Variants in CNOT1 observed in about 807,000 individuals in gnomAD.
The protein encoded by CNOT1 is CCR4-associated factor 1.
CNOT1 carries 15 observed loss-of-function variants against 273.8 expected under a neutral mutation model. The observed-to-expected ratio is 0.05, with a 90% CI of 0.04 to 0.08. CNOT1 has a LOEUF of 0.08. Among genes scored for constraint, CNOT1 ranks in the 10% least tolerant of loss-of-function variants. The pLI is 1.00. For missense variants in CNOT1, 1,644 were observed against 2,912.2 expected, an observed-to-expected ratio of 0.56 and a Z score of 10.02; for synonymous variants, 1,022 against 1,005.5, an observed-to-expected ratio of 1.02 and a Z score of -0.31.
At chr16:58,609,072 T>C (rs953333032) in intron 1 of CNOT1, among the ~76,000 whole-genome samples, 2 of 152,144 alleles carry the variant, frequency 1.3e-5, no homozygotes, top group African/African-American at 2.4e-5. Context: ...TTCTCACAGA[T>C]CACCACTAAA....
chr16:58,521,160 A>G (rs1245560137), intron 48 of CNOT1, 23 bp downstream of exon 48: 2 of 1,613,020 alleles, frequency 1.2e-6, no homozygotes, highest in Non-Finnish European at 8.5e-7. Context: ...TTCCTAGACA[A>G]TTAAAAATTA....
intron 38 of CNOT1, among the ~76,000 whole-genome samples, chr16:58,537,587 G>A (rs1409157170): frequency 6.6e-6 from 1 of 152,112 alleles, no homozygotes; most frequent in Non-Finnish European, 1.5e-5. Context: ...ATAAAGAATA[G>A]GTTTAAGGAG....
chr16:58,552,184 A>G (rs1270681063), intron 22 of CNOT1, among the ~76,000 whole-genome samples: 2 of 152,162 alleles, frequency 1.3e-5, no homozygotes, highest in Admixed American at 6.5e-5. Flanking sequence ...CTTAAAAAAC[A>G]AAACAAAAAC....
intron 31 of CNOT1, chr16:58,543,055 T>C (rs966618673): frequency 8.6e-6 from 10 of 1,163,602 alleles, no homozygotes; most frequent in Non-Finnish European, 1.1e-5. Context: ...ACTGCACCAC[T>C]GTACTCTAGC....
At chr16:58,598,927 T>G (rs2042365307) in intron 2 of CNOT1, 1 of 275,966 alleles carries the variant, frequency 3.6e-6, no homozygotes, top group Non-Finnish European at 7.2e-6. Flanking sequence ...GGCACATGCC[T>G]GTAATCCCAG....
rs771813910 is a variant in CNOT1 at position 58,539,936 on chromosome 16, T to C, written c.4824A>G (p.Val1608=). The C allele has an allele frequency of 6.2e-6, 10 of 1,608,280 alleles. No individual in the cohort carries two copies. Among genetic ancestry groups the C allele is most frequent in the Non-Finnish European group, 8.5e-6 (10 of 1,177,272 alleles). ...PMKQAWATDD[V]AQIYDKCITE... is the part of the protein sequence containing the mutation. Reference sequence around the variant, plus strand: ...TAATACACTTATCATAAATCTGAGCTACATCATCTGTTGCCCAAGCTTGCT... The same window carrying C: ...TAATACACTTATCATAAATCTGAGCCACATCATCTGTTGCCCAAGCTTGCT... The change falls in exon 35 of 49, where the codon GTA becomes GTG. Residue 1608 remains valine, a synonymous_variant. Coordinates refer to ENST00000317147, the MANE Select transcript of CNOT1 (RefSeq NM_016284.5).
At chr16:58,552,748 T>C (rs1013049935) in intron 22 of CNOT1, among the ~76,000 whole-genome samples, 1 of 152,198 alleles carries the variant, frequency 6.6e-6, no homozygotes, top group Non-Finnish European at 1.5e-5. Flanking sequence ...TAAGATCTTA[T>C]AAAGTTGCCT....
intron 31 of CNOT1, chr16:58,543,281 C>T: frequency 6.5e-7 from 1 of 1,546,158 alleles, no homozygotes; most frequent in Non-Finnish European, 8.7e-7. Flanking sequence ...TCTCAAACAG[C>T]TTTCATCCTT....
intron 13 of CNOT1, among the ~76,000 whole-genome samples, chr16:58,577,766 G>C (rs1306418199): frequency 6.6e-6 from 1 of 151,828 alleles, no homozygotes; most frequent in Non-Finnish European, 1.5e-5. Flanking sequence ...ACTGAGCCTG[G>C]GAGGTTGAGG....
In CNOT1 at chr16:58,588,144, CA is replaced by C. The variant is rs374366310; in HGVS notation, c.211-267del. 4.6e-4 allele frequency among the ~76,000 whole-genome samples: 70 copies of C among 152,084 alleles called. 1 individual carries two copies. The East Asian group carries it at 0.012, about 26-fold the overall frequency. The stretch of plus-strand genomic sequence containing the variant: ...TAAAACCCTCTCTCTACTAAAAATA[CA>C]AAAATTAGCCAGGCCTGGTGCCAGA... On this transcript the variant is annotated intron_variant, in intron 3 of 48. Transcript: ENST00000317147.
intron 8 of CNOT1, among the ~76,000 whole-genome samples, chr16:58,583,521 T>C (rs563248116): frequency 6.6e-6 from 1 of 152,190 alleles, no homozygotes; most frequent in Non-Finnish European, 1.5e-5. Flanking sequence ...TGGACTGTTA[T>C]CAGTCTGTGG....
chr16:58,557,994 C>T (rs939435310), intron 18 of CNOT1, among the ~76,000 whole-genome samples: 1 of 149,672 alleles, frequency 6.7e-6, no homozygotes, highest in African/African-American at 2.4e-5. Context: ...CTGTCCCCCA[C>T]TACCCAAAAA....
At chr16:58,546,576 A>C (rs1185310772) in intron 28 of CNOT1, 78 bp from the exon 29 acceptor site, 30 of 1,604,646 alleles carry the variant, frequency 1.9e-5, no homozygotes, top group Non-Finnish European at 2.4e-5. Context: ...ACTTTCAGTT[A>C]TTATAGTACT....
At chr16:58,597,514 C>A in intron 2 of CNOT1, 1 of 218,904 alleles carries the variant, frequency 4.6e-6, no homozygotes. Context: ...ACTGAATAAA[C>A]ACTGCACCAC....
intron 44 of CNOT1, among the ~76,000 whole-genome samples, chr16:58,527,421 G>T (rs1256311712): frequency 6.6e-6 from 1 of 151,966 alleles, no homozygotes; most frequent in African/African-American, 2.4e-5. Context: ...CAGCTACTTG[G>T]GAGGCTGAGG....
intron 21 of CNOT1, 76 bp from the exon 22 acceptor site, chr16:58,553,936 C>A: frequency 6.8e-7 from 1 of 1,471,868 alleles, no homozygotes; most frequent in South Asian, 1.5e-5. Flanking sequence ...TGTCCAAATG[C>A]TAATCTAGGT....
chr16:58,558,660 A>T lies in CNOT1; in HGVS notation c.2145T>A (p.Ala715=), dbSNP rs766539622. 2 of 1,613,938 alleles carry T rather than the reference A, an allele frequency of 1.2e-6. No individual in the cohort carries two copies. The highest frequency in any genetic ancestry group is 2.2e-5 in the South Asian group (2 of 91,040). ...AISPVQIDPL[A]GMTSLSIGGS... is the part of the protein sequence containing the mutation. ...CACCTATACTAAGAGATGTCATTCCAGCAAGAGGGTCAATCTAAAGAAAAA... is the reference window on the plus strand; with the variant it reads ...CACCTATACTAAGAGATGTCATTCCTGCAAGAGGGTCAATCTAAAGAAAAA... Residue 715 remains alanine, a synonymous_variant, in exon 18 of 49, where the codon GCT becomes GCA. Transcript: ENST00000317147.
rs1332365252 is a variant in CNOT1 at position 58,547,918 on chromosome 16, C to CA, written c.3523-237dup. Among the ~76,000 whole-genome samples, 16 of 152,118 alleles carry CA rather than the reference C, an allele frequency of 1.1e-4. No individual in the cohort carries two copies. The highest frequency in any genetic ancestry group is 9.2e-4 in the Admixed American group (14 of 15,272). ...ACATTTTATTTTTTCAAAATAGGTACAAACACATTGCACAAAATTCAAAAA... is the reference window on the plus strand; with the variant it reads ...ACATTTTATTTTTTCAAAATAGGTACAAAACACATTGCACAAAATTCAAAAA... On this transcript the variant is annotated intron_variant, in intron 25 of 48. Coordinates refer to ENST00000317147, the MANE Select transcript of CNOT1 (RefSeq NM_016284.5). This position sits in a 1 kb window ranked among gnomAD's most constrained non-coding sequence, Gnocchi z 4.0.
intron 46 of CNOT1, among the ~76,000 whole-genome samples, chr16:58,524,694 A>G (rs2039526448): frequency 6.6e-6 from 1 of 152,162 alleles, no homozygotes; most frequent in Admixed American, 6.5e-5. Flanking sequence ...AGATAAATAT[A>G]GAGGACCAAA....
Sources: gnomAD v4.1 joint callset for allele counts (sites outside exome capture counted in the v4.1 genomes callset) on GRCh38, gnomAD v4.1.1 for gene constraint, Gnocchi (gnomAD v3.1) non-coding constraint, MANE v1.5 for transcripts, NCBI Gene and HGNC (gene_info 2026-07-23, HGNC 2026-07-21) for gene names.